Variants in CLEC16A observed in about 807,000 individuals in gnomAD.
CLEC16A encodes C-type lectin domain containing 16A, also known as protein CLEC16A.
CLEC16A carries 51 observed loss-of-function variants against 109.5 expected under a neutral mutation model. That is an observed-to-expected ratio of 0.47 (90% CI 0.37 to 0.59). CLEC16A has a LOEUF of 0.59. CLEC16A is among the 20% of genes least tolerant of loss of function. The pLI, the probability that CLEC16A is intolerant of heterozygous loss-of-function variation, is 0.00. For synonymous variants in CLEC16A, 673 were observed against 564.2 expected, an observed-to-expected ratio of 1.19 and a Z score of -2.73; for missense variants, 1,339 against 1,394.0, an observed-to-expected ratio of 0.96 and a Z score of 0.63.
At position 11,056,658 on chromosome 16, in the gene CLEC16A, G is replaced by A. The variant is rs558982648; in HGVS notation, c.1996-4244G>A. On this transcript the variant is annotated intron_variant, in intron 18 of 23. Coordinates refer to ENST00000409790, the MANE Select transcript of CLEC16A (RefSeq NM_015226.3). The stretch of plus-strand genomic sequence containing the variant: ...GCAGTTTTTGTGTTTATCACTATTG[G>A]CCTTGAGGAAATAGAATATTTTGCT... 4 of 152,198 alleles carry A rather than the reference G, an allele frequency of 2.6e-5. No homozygotes were observed. The South Asian group carries it at 8.3e-4, about 32-fold the overall frequency. 9.4% of individuals were successfully genotyped at this position (152,198 alleles called of 1,614,324 possible). A position where few individuals can be genotyped will look rare whatever the true frequency, so the allele number is the denominator to read the frequency against.
intron 10 of CLEC16A, among the ~76,000 whole-genome samples, chr16:10,986,228 C>T (rs1014396948): frequency 1.3e-5 from 2 of 151,530 alleles, no homozygotes; most frequent in Admixed American, 6.6e-5. Context: ...GACGGGGTTT[C>T]ACTATGTTAG....
intron 19 of CLEC16A, among the ~76,000 whole-genome samples, chr16:11,080,984 C>G (rs989437818): frequency 1.3e-5 from 2 of 152,166 alleles, no homozygotes; most frequent in Non-Finnish European, 1.5e-5. Flanking sequence ...TACAGCCCAC[C>G]CCAGGTGGGA....
At chr16:11,118,086 C>T (rs932675102) in intron 19 of CLEC16A, among the ~76,000 whole-genome samples, 7 of 151,998 alleles carry the variant, frequency 4.6e-5, no homozygotes, top group African/African-American at 1.5e-4. Flanking sequence ...GCAGTCCTCC[C>T]GCATCAGCCT....
chr16:10,947,957 G>A (rs183419831), intron 1 of CLEC16A, among the ~76,000 whole-genome samples: 2,506 of 151,826 alleles, frequency 0.017, 30 homozygotes, highest in Non-Finnish European at 0.027. Flanking sequence ...GCAGTGGCAC[G>A]ATCTTGGCTC....
At chr16:10,944,858 T>A (rs1042444612) in intron 1 of CLEC16A, 61 bp downstream of exon 1, 28 of 1,441,156 alleles carry the variant, frequency 1.9e-5, no homozygotes, top group Non-Finnish European at 2.5e-5. Context: ...GGCGCCGAGC[T>A]CCGGGTCGGG....
intron 1 of CLEC16A, among the ~76,000 whole-genome samples, chr16:10,951,177 C>A: frequency 6.6e-6 from 1 of 152,160 alleles, no homozygotes; most frequent in East Asian, 1.9e-4. Flanking sequence ...AGTTTCTCTT[C>A]TCCAGGCATT....
chr16:11,027,898 G>A (rs2046507405), intron 13 of CLEC16A: 2 of 615,992 alleles, frequency 3.2e-6, no homozygotes, highest in African/African-American at 1.8e-5. Context: ...GAAAGGAAGG[G>A]TCAAAGAAAA....
chr16:11,004,140 C>T (rs2044846038), intron 11 of CLEC16A, among the ~76,000 whole-genome samples: 1 of 152,036 alleles, frequency 6.6e-6, no homozygotes, highest in South Asian at 2.1e-4. Context: ...CCTCCTTTTG[C>T]CCTTTTTGGG....
intron 10 of CLEC16A, among the ~76,000 whole-genome samples, chr16:10,989,748 G>C (rs1194551083): frequency 2.0e-5 from 3 of 152,156 alleles, no homozygotes; most frequent in African/African-American, 7.2e-5. Flanking sequence ...TGCCCAGCCG[G>C]ATACTCCCCC....
intron 22 of CLEC16A, among the ~76,000 whole-genome samples, chr16:11,135,456 T>C (rs1403601361): frequency 1.3e-5 from 2 of 152,212 alleles, no homozygotes; most frequent in Non-Finnish European, 2.9e-5. Context: ...TCGCTAAATA[T>C]GGACACAGTA....
intron 23 of CLEC16A, among the ~76,000 whole-genome samples, chr16:11,170,680 C>T (rs2140983031): frequency 6.6e-6 from 1 of 152,268 alleles, no homozygotes; most frequent in African/African-American, 2.4e-5. Context: ...TTTGGGCACC[C>T]CACTCCCTGT....
At chr16:11,144,503 G>C (rs1256356587) in intron 22 of CLEC16A, among the ~76,000 whole-genome samples, 2 of 152,038 alleles carry the variant, frequency 1.3e-5, no homozygotes, top group African/African-American at 4.8e-5. Context: ...AGCTGAGAGG[G>C]ACCTACAGGC....
intron 9 of CLEC16A, among the ~76,000 whole-genome samples, chr16:10,982,637 T>C (rs1233177235): frequency 6.6e-6 from 1 of 152,196 alleles, no homozygotes; most frequent in Non-Finnish European, 1.5e-5. Flanking sequence ...CTCGCATTAA[T>C]GCACTTCCTT....
chr16:11,027,233 A>T, intron 13 of CLEC16A: 1 of 1,515,276 alleles, frequency 6.6e-7, no homozygotes, highest in Non-Finnish European at 9.1e-7. Flanking sequence ...TGCATCTCAG[A>T]CGACTAGAAG....
At chr16:11,120,041 C>G (rs2052288881) in intron 19 of CLEC16A, among the ~76,000 whole-genome samples, 2 of 152,218 alleles carry the variant, frequency 1.3e-5, no homozygotes, top group African/African-American at 4.8e-5. Flanking sequence ...GCGATCTTGG[C>G]TCACTGCAAC....
At chr16:10,967,578 A>T (rs1014605480) in intron 3 of CLEC16A, among the ~76,000 whole-genome samples, 30 of 152,208 alleles carry the variant, frequency 2.0e-4, no homozygotes, top group African/African-American at 7.2e-4. Context: ...AATAATAATA[A>T]GAAGAATGGC....
intron 22 of CLEC16A, among the ~76,000 whole-genome samples, chr16:11,162,906 G>A (rs1030193128): frequency 1.3e-5 from 2 of 152,334 alleles, no homozygotes; most frequent in African/African-American, 4.8e-5. Context: ...TGGTCAGATG[G>A]TGTGAAAGTC....
chr16:11,031,722 A>G (rs567782775), intron 13 of CLEC16A, among the ~76,000 whole-genome samples: 1 of 152,232 alleles, frequency 6.6e-6, no homozygotes, highest in Non-Finnish European at 1.5e-5. Context: ...ACAGTAAACT[A>G]GTAACCAAGT....
At chr16:11,050,595 G>T (rs1429481479) in intron 17 of CLEC16A, among the ~76,000 whole-genome samples, 1 of 152,268 alleles carries the variant, frequency 6.6e-6, no homozygotes, top group Admixed American at 6.5e-5. Context: ...TACTGATGCA[G>T]CAGAGATCTG....
Sources: allele counts gnomAD v4.1 joint callset (sites outside exome capture counted in the v4.1 genomes callset), GRCh38; gene constraint gnomAD v4.1.1; transcripts MANE v1.5; gene names NCBI Gene and HGNC (gene_info 2026-07-23, HGNC 2026-07-21).